Variants in PLPP1 observed in about 807,000 individuals in gnomAD.
PLPP1 encodes lipid phosphate phosphohydrolase 1a.
Under a neutral mutation model 31.2 loss-of-function variants are expected in PLPP1, and 24 were observed. The observed-to-expected ratio is 0.77, with a 90% CI of 0.56 to 1.08. PLPP1 has a LOEUF of 1.08. Among genes scored for constraint, PLPP1 ranks in the 50% least tolerant of loss-of-function variants. PLPP1 has a pLI of 0.00. For synonymous variants in PLPP1, 146 were observed against 126.3 expected (o/e 1.16, Z -1.05); for missense variants, 319 against 342.7 (o/e 0.93, Z 0.55).
chr5:55,501,867 G>T (rs924439278), intron 1 of PLPP1, among the ~76,000 whole-genome samples: 6 of 152,136 alleles, frequency 3.9e-5, no homozygotes, highest in African/African-American at 1.4e-4. Context: ...TGCTTACAGA[G>T]AGAGTAGAAA....
chr5:55,501,190 G>A (rs1012600775), intron 1 of PLPP1, among the ~76,000 whole-genome samples: 9 of 152,216 alleles, frequency 5.9e-5, no homozygotes, highest in African/African-American at 2.2e-4. Context: ...GCGGATGCCT[G>A]TAATCCCAGC....
chr5:55,528,357 T>A (rs1272141759), intron 1 of PLPP1, among the ~76,000 whole-genome samples: 1 of 152,184 alleles, frequency 6.6e-6, no homozygotes, highest in East Asian at 1.9e-4. Flanking sequence ...AAAGGGAACA[T>A]ATTCCAAACC....
intron 1 of PLPP1, among the ~76,000 whole-genome samples, chr5:55,501,751 C>T (rs1006310643): frequency 6.6e-6 from 1 of 152,122 alleles, no homozygotes; most frequent in African/African-American, 2.4e-5. Context: ...TGATCCACCC[C>T]CCTCAGCCTC....
chr5:55,438,773 C>T (rs1262150380), intron 4 of PLPP1, among the ~76,000 whole-genome samples: 1 of 151,872 alleles, frequency 6.6e-6, no homozygotes, highest in Non-Finnish European at 1.5e-5. Flanking sequence ...TGGTGGCGGG[C>T]GCCTGTAGTC....
At chr5:55,445,574 T>C (rs1751745875) in intron 3 of PLPP1, among the ~76,000 whole-genome samples, 1 of 135,900 alleles carries the variant, frequency 7.4e-6, no homozygotes, top group African/African-American at 2.8e-5. Flanking sequence ...AGACAGAGTC[T>C]CACTCTGTCA....
At chr5:55,532,355 T>C (rs931306850) in intron 1 of PLPP1, among the ~76,000 whole-genome samples, 3 of 152,186 alleles carry the variant, frequency 2.0e-5, no homozygotes, top group African/African-American at 7.2e-5. Context: ...TTTATGTTGT[T>C]TTACAAATTG....
chr5:55,512,999 G>C (rs970483580), intron 1 of PLPP1, among the ~76,000 whole-genome samples: 11 of 152,180 alleles, frequency 7.2e-5, no homozygotes, highest in African/African-American at 2.4e-4. Context: ...AAGAACTTGT[G>C]ACCTGTAGAG....
chr5:55,431,404 G>C (rs1310875609), intron 4 of PLPP1, among the ~76,000 whole-genome samples: 1 of 152,114 alleles, frequency 6.6e-6, no homozygotes, highest in Non-Finnish European at 1.5e-5. Context: ...TGTGCTGAAA[G>C]AAAAATAAAC....
At chr5:55,500,196 CAGCCTCCCGAGT>C (rs1158468263) in intron 1 of PLPP1, among the ~76,000 whole-genome samples, 1 of 151,740 alleles carries the variant, frequency 6.6e-6, no homozygotes. Flanking sequence ...TCTCCTACCT[CAGCCTCCCGAGT>C]AGCTGGGACT....
intron 3 of PLPP1, among the ~76,000 whole-genome samples, chr5:55,444,743 T>TTGTGTGTG (rs1554037412): frequency 5.9e-4 from 81 of 137,378 alleles, no homozygotes; most frequent in African/African-American, 2.1e-3. Flanking sequence ...GGATTCTATT[T>TTGTGTGTG]TGTGTGTGTG....
intron 1 of PLPP1, among the ~76,000 whole-genome samples, chr5:55,519,065 T>C (rs1753610559): frequency 6.6e-6 from 1 of 152,110 alleles, no homozygotes; most frequent in East Asian, 1.9e-4. Flanking sequence ...GGGAAATCCA[T>C]AAAAAAACTT....
chr5:55,472,490 T>C (rs557151257), intron 2 of PLPP1, among the ~76,000 whole-genome samples: 1 of 151,956 alleles, frequency 6.6e-6, no homozygotes, highest in South Asian at 2.1e-4. Flanking sequence ...ATCCCAGCTA[T>C]GTGGGAGGCT....
rs540336482 is a variant in PLPP1 at position 55,513,282 on chromosome 5, CAG to C, written c.58+21288_58+21289del. On this transcript the variant is annotated intron_variant, in intron 1 of 5. Coordinates refer to ENST00000307259, the MANE Select transcript of PLPP1 (RefSeq NM_003711.4). ...TATAATGACTCCTTTTTTTTTAAGA[CAG>C]AGTCTTGCTTTGTCACCCATGCTGG... 5.7e-3 allele frequency among the ~76,000 whole-genome samples: 49 copies of C among 8,634 alleles called. 2 individuals are homozygous for C. The South Asian group carries it at 0.13, about 22-fold the overall frequency. The allele number at this position is 8,634 out of a possible 152,430, so 5.7% of individuals were successfully genotyped here.
chr5:55,528,278 C>T (rs1426567214), intron 1 of PLPP1, among the ~76,000 whole-genome samples: 1 of 152,174 alleles, frequency 6.6e-6, no homozygotes, highest in Non-Finnish European at 1.5e-5. Context: ...TTCTGCGTCT[C>T]TAAGAGTAAA....
intron 1 of PLPP1, among the ~76,000 whole-genome samples, chr5:55,476,063 T>G (rs765228712): frequency 6.6e-6 from 1 of 151,784 alleles, no homozygotes; most frequent in Non-Finnish European, 1.5e-5. Flanking sequence ...AGTGCAGCCT[T>G]GATCTCCTGG....
chr5:55,522,716 GTTTTGTTTTGTTTT>G (rs1753697447), intron 1 of PLPP1, among the ~76,000 whole-genome samples: 1 of 151,350 alleles, frequency 6.6e-6, no homozygotes, highest in Non-Finnish European at 1.5e-5. Context: ...GTTTTGTTTT[GTTTTGTTTTGTTTT>G]GTTTTGTTTT....
chr5:55,523,020 A>G (rs1266328685), intron 1 of PLPP1, among the ~76,000 whole-genome samples: 5 of 152,160 alleles, frequency 3.3e-5, no homozygotes, highest in Non-Finnish European at 7.4e-5. Flanking sequence ...GCCAGGCCCA[A>G]TAATGATTGT....
At chr5:55,523,070 C>G (rs1470144112) in intron 1 of PLPP1, among the ~76,000 whole-genome samples, 1 of 152,028 alleles carries the variant, frequency 6.6e-6, no homozygotes, top group African/African-American at 2.4e-5. Context: ...GCCTTTCTCA[C>G]CCTCTCCATA....
At chr5:55,488,818 CA>C (rs953948877) in intron 1 of PLPP1, among the ~76,000 whole-genome samples, 12 of 152,198 alleles carry the variant, frequency 7.9e-5, no homozygotes, top group African/African-American at 1.9e-4. Context: ...GATCATGGGC[CA>C]GGGGGCATGT....
Sources: allele counts gnomAD v4.1 joint callset (sites outside exome capture counted in the v4.1 genomes callset), GRCh38; gene constraint gnomAD v4.1.1; transcripts MANE v1.5; gene names NCBI Gene and HGNC (gene_info 2026-07-23, HGNC 2026-07-21).